Variants in DNAJB4 observed in about 807,000 individuals in gnomAD.
DNAJB4 encodes DnaJ heat shock protein family (Hsp40) member B4.
In DNAJB4, 10 loss-of-function variants were observed where a neutral mutation model predicts 26.6. The observed-to-expected ratio is 0.38, with a 90% CI of 0.23 to 0.64. The LOEUF is 0.64. Among genes scored for constraint, DNAJB4 ranks in the 30% least tolerant of loss-of-function variants. The probability of loss-of-function intolerance (pLI) is 0.58; values close to 1 mark genes in which losing one functional copy is unlikely to be tolerated. For synonymous variants in DNAJB4, 136 were observed against 134.8 expected (o/e 1.01, Z -0.06); for missense variants, 328 against 408.2 (o/e 0.80, Z 1.69).
chr1:77,979,266 TG>T, upstream of DNAJB4: 2 of 452,630 alleles, frequency 4.4e-6, no homozygotes, highest in Non-Finnish European at 8.0e-6. Flanking sequence ...GAATTTCTTT[TG>T]GCACCTCCTC....
chr1:78,013,757 G>A (rs912261054), intron 2 of DNAJB4, 138 bp downstream of exon 2: 4 of 673,748 alleles, frequency 5.9e-6, no homozygotes, highest in African/African-American at 3.7e-5. Context: ...CTCTAAGATA[G>A]TACTAGTATT....
rs755745103 is a variant in DNAJB4, at chr1:78,016,261, G to T, written c.*14G>T. On this transcript the variant is annotated 3_prime_UTR_variant, in exon 3 of 3. Coordinates refer to ENST00000370763, the MANE Select transcript of DNAJB4 (RefSeq NM_007034.5). ...CCTGCCTCATAGAATGAAGAACTTT[G>T]TTACACATATTTTGATAAGGCACTG... 2 of 1,601,726 alleles carry T rather than the reference G, an allele frequency of 1.2e-6. No homozygotes were observed. Among genetic ancestry groups the T allele is most frequent in the Middle Eastern group, 1.7e-4 (1 of 6,042 alleles).
intron 1 of DNAJB4, among the ~76,000 whole-genome samples, chr1:77,986,287 A>G (rs1239590643): frequency 6.6e-6 from 1 of 152,242 alleles, no homozygotes; most frequent in Non-Finnish European, 1.5e-5. Context: ...ATATTACTAC[A>G]TTAATCCTTA....
chr1:78,014,554 C>T (rs1464550098), intron 2 of DNAJB4, among the ~76,000 whole-genome samples: 1 of 152,104 alleles, frequency 6.6e-6, no homozygotes, highest in Non-Finnish European at 1.5e-5. Context: ...AATCTGATGT[C>T]TACCCATAAA....
chr1:77,993,667 T>C (rs1182699225), intron 1 of DNAJB4, among the ~76,000 whole-genome samples: 2 of 152,216 alleles, frequency 1.3e-5, no homozygotes, highest in Non-Finnish European at 2.9e-5. Flanking sequence ...TACTGTTTTA[T>C]CCTTCATGTT....
intron 1 of DNAJB4, among the ~76,000 whole-genome samples, chr1:77,994,159 T>C (rs1660005362): frequency 6.6e-6 from 1 of 152,224 alleles, no homozygotes; most frequent in East Asian, 1.9e-4. Context: ...CCTAGCACTT[T>C]GGGAGGCGGA....
upstream of DNAJB4, chr1:77,979,372 G>C (rs1487401533): frequency 4.3e-6 from 1 of 231,262 alleles, no homozygotes; most frequent in Admixed American, 5.5e-5. Flanking sequence ...GTGGTGGGAA[G>C]CCTGAAGAAA....
At chr1:78,006,739 C>G (rs991999485) in intron 1 of DNAJB4, among the ~76,000 whole-genome samples, 4 of 152,072 alleles carry the variant, frequency 2.6e-5, no homozygotes, top group Non-Finnish European at 5.9e-5. Flanking sequence ...ATACCTATGG[C>G]CATATTACCC....
upstream of DNAJB4, among the ~76,000 whole-genome samples, chr1:78,003,378 T>C (rs142887865): frequency 3.3e-4 from 51 of 152,320 alleles, no homozygotes; most frequent in East Asian, 9.4e-3. Flanking sequence ...ATCAATGTTA[T>C]ACATTTCTAA....
intron 2 of DNAJB4, among the ~76,000 whole-genome samples, chr1:78,014,397 C>CA (rs1359484213): frequency 2.0e-5 from 3 of 152,056 alleles, no homozygotes; most frequent in Non-Finnish European, 4.4e-5. Context: ...CATGAGCCAC[C>CA]ACGCCTGGCC....
chr1:78,013,627 G>T lies in DNAJB4; in HGVS notation c.780+8G>T. ...AAAATTAGTTTACGAGAGGTAAGTT[G>T]GTAGGACCTAAAATCCTAAGACCAA... On this transcript the variant is annotated splice_region_variant and intron_variant, in intron 2 of 2. Transcript: ENST00000370763. The T allele has an allele frequency of 6.4e-7, 1 of 1,556,170 alleles. No homozygotes were observed.
At chr1:77,982,615 T>C (rs968569088) in intron 1 of DNAJB4, among the ~76,000 whole-genome samples, 6 of 151,086 alleles carry the variant, frequency 4.0e-5, no homozygotes, top group African/African-American at 1.5e-4. Context: ...CTGGCCAACA[T>C]AGTGAAACAT....
At chr1:78,006,021 C>A (rs1055913916) in intron 1 of DNAJB4, among the ~76,000 whole-genome samples, 2 of 152,144 alleles carry the variant, frequency 1.3e-5, no homozygotes, top group African/African-American at 4.8e-5. Flanking sequence ...CAATTTTTGA[C>A]CTAAAATGGC....
In DNAJB4 at chr1:77,988,032, TCC is replaced by T. The variant is rs112719953; in HGVS notation, c.-32+7721_-32+7722del. Among the ~76,000 whole-genome samples the T allele has an allele frequency of 7.8e-3, 973 of 124,296 alleles. 24 individuals are homozygous for T. The highest frequency in any genetic ancestry group is 0.027 in the African/African-American group (901 of 33,344). 81.5% of individuals were successfully genotyped at this position (124,296 alleles called of 152,430 possible). A position where few individuals can be genotyped will look rare whatever the true frequency, so the allele number is the denominator to read the frequency against. On this transcript the variant is annotated intron_variant, in intron 1 of 2. Transcript: ENST00000426517. The stretch of plus-strand genomic sequence containing the variant: ...ATATATATATGTGTGTGTGTGTATT[TCC>T]CCCCCCCCCCAGACAGTGTCTCACT...
Position 77,985,398 on chromosome 1 carries a change from TA to T in DNAJB4, c.-32+5084del, listed in dbSNP as rs1466887986. 2.6e-5 allele frequency among the ~76,000 whole-genome samples: 4 copies of T among 152,152 alleles called. No individual in the cohort carries two copies. The East Asian group carries it at 7.7e-4, about 29-fold the overall frequency. On this transcript the variant is annotated intron_variant, in intron 1 of 2. Coordinates refer to the DNAJB4 transcript ENST00000426517. Reference sequence around the variant, plus strand: ...TATTAACTGATATTCTCACTTCATTTAAAAAAAATTTGAAGGGACATGTACT... The same window carrying T: ...TATTAACTGATATTCTCACTTCATTTAAAAAAATTTGAAGGGACATGTACT...
chr1:78,013,916 G>A (rs1660563387), intron 2 of DNAJB4, among the ~76,000 whole-genome samples: 1 of 151,974 alleles, frequency 6.6e-6, no homozygotes, highest in Non-Finnish European at 1.5e-5. Flanking sequence ...ATTAGTCTTT[G>A]TATATAGGGT....
chr1:77,981,328 T>G (rs575022866), intron 1 of DNAJB4: 2 of 151,956 alleles, frequency 1.3e-5, no homozygotes, highest in African/African-American at 4.8e-5. Flanking sequence ...CCTAATTTTT[T>G]TTTTTTTTGA....
At chr1:77,993,011 A>G (rs1461369628) in intron 1 of DNAJB4, 1 of 152,160 alleles carries the variant, frequency 6.6e-6, no homozygotes, top group Non-Finnish European at 1.5e-5. Context: ...GGCTTGAGCC[A>G]CCGCGCCCGG....
At position 77,994,583 on chromosome 1, in the gene DNAJB4, CTTT is replaced by C. The variant is rs5775435; in HGVS notation, c.-31-10484_-31-10482del. ...GTGTACTCCTTAAACTACTCTCTCT[CTTT>C]TTTTTTTTTTTTAACTACTCTCATT... On this transcript the variant is annotated intron_variant, in intron 1 of 2. Transcript: ENST00000426517. Among the ~76,000 whole-genome samples, 1,026 of 142,088 alleles carry C rather than the reference CTTT, an allele frequency of 7.2e-3. 12 individuals are homozygous for C. Among genetic ancestry groups the C allele is most frequent in the African/African-American group, 0.025 (956 of 38,766 alleles). 93.2% of individuals were successfully genotyped at this position (142,088 alleles called of 152,430 possible).
Sources: gnomAD v4.1 joint callset for allele counts (sites outside exome capture counted in the v4.1 genomes callset) on GRCh38, gnomAD v4.1.1 for gene constraint, MANE v1.5 for transcripts, NCBI Gene and HGNC (gene_info 2026-07-23, HGNC 2026-07-21) for gene names.